ARID2: variants seen among roughly 807,000 people sequenced by gnomAD.
ARID2 encodes the protein AT-rich interaction domain 2.
Under a neutral mutation model 184.6 loss-of-function variants are expected in ARID2, and 32 were observed. The observed-to-expected ratio is 0.17, with a 90% CI of 0.13 to 0.23. ARID2 has a LOEUF of 0.23. Among genes scored for constraint, ARID2 ranks in the 10% least tolerant of loss-of-function variants. The pLI is 1.00. For missense variants in ARID2, 1,696 were observed against 2,197.6 expected, an observed-to-expected ratio of 0.77 and a Z score of 4.56; for synonymous variants, 836 against 772.6, an observed-to-expected ratio of 1.08 and a Z score of -1.36.
intron 3 of ARID2, among the ~76,000 whole-genome samples, chr12:45,808,761 A>ATGTGTG (rs533034285): frequency 7.1e-6 from 1 of 141,046 alleles, no homozygotes; most frequent in East Asian, 2.1e-4. Flanking sequence ...GTGTGTGTGT[A>ATGTGTG]TGTGTGTGTG....
intron 3 of ARID2, among the ~76,000 whole-genome samples, chr12:45,793,783 T>C (rs1278142349): frequency 6.6e-6 from 1 of 151,558 alleles, no homozygotes; most frequent in African/African-American, 2.4e-5. Flanking sequence ...TCTCCATACC[T>C]CCATTTAGAA....
At chr12:45,815,556 A>G (rs1942789742) in intron 4 of ARID2, among the ~76,000 whole-genome samples, 1 of 152,062 alleles carries the variant, frequency 6.6e-6, no homozygotes, top group African/African-American at 2.4e-5. Flanking sequence ...CTTCTGTGGT[A>G]TGTTGTGACA....
At chr12:45,886,408 G>T (rs2138224302) in intron 16 of ARID2, among the ~76,000 whole-genome samples, 2 of 152,326 alleles carry the variant, frequency 1.3e-5, no homozygotes, top group Non-Finnish European at 2.9e-5. Context: ...TCATGGGTTG[G>T]CATTGAGTGT....
chr12:45,822,504 C>T (rs968977600), intron 6 of ARID2, among the ~76,000 whole-genome samples: 2 of 152,120 alleles, frequency 1.3e-5, no homozygotes, highest in African/African-American at 4.8e-5. Flanking sequence ...TGTGCCACTG[C>T]ACTCTAGTCT....
At chr12:45,808,761 A>G (rs374787069) in intron 3 of ARID2, among the ~76,000 whole-genome samples, 33 of 141,068 alleles carry the variant, frequency 2.3e-4, no homozygotes, top group Admixed American at 5.0e-4. Context: ...GTGTGTGTGT[A>G]TGTGTGTGTG....
At chr12:45,864,287 C>T (rs1441316239) in intron 16 of ARID2, among the ~76,000 whole-genome samples, 1 of 151,984 alleles carries the variant, frequency 6.6e-6, no homozygotes, top group East Asian at 1.9e-4. Context: ...GATATAAATA[C>T]TATATACCAC....
intron 16 of ARID2, among the ~76,000 whole-genome samples, chr12:45,890,905 A>G (rs976885797): frequency 2.0e-5 from 3 of 152,022 alleles, no homozygotes; most frequent in South Asian, 2.1e-4. Context: ...TGTGGCTCAT[A>G]CCTGTAATCC....
In ARID2 at chr12:45,905,180, T is replaced by C. The variant is rs558000085; in HGVS notation, c.*102T>C. On this transcript the variant is annotated 3_prime_UTR_variant, in exon 21 of 21. Transcript: ENST00000334344. ...TCTTAATGGAACAAAGACCATAGAATGAATTATTTTATCTCCTCCCATGAT... is the reference window on the plus strand; with the variant it reads ...TCTTAATGGAACAAAGACCATAGAACGAATTATTTTATCTCCTCCCATGAT... 1 of 1,216,178 alleles carries C rather than the reference T, an allele frequency of 8.2e-7. No individual in the cohort carries two copies. Among genetic ancestry groups the C allele is most frequent in the Non-Finnish European group, 1.1e-6 (1 of 899,646 alleles). 75.3% of individuals were successfully genotyped at this position (1,216,178 alleles called of 1,614,324 possible). A position where few individuals can be genotyped will look rare whatever the true frequency, so the allele number is the denominator to read the frequency against.
At chr12:45,885,737 G>T (rs1011406839) in intron 16 of ARID2, among the ~76,000 whole-genome samples, 1 of 152,188 alleles carries the variant, frequency 6.6e-6, no homozygotes, top group Non-Finnish European at 1.5e-5. Context: ...TTCTTCACAT[G>T]GCAGCAGGAG....
rs1944420694 is a variant in ARID2, at chr12:45,899,608, A to T, written c.5364-5326A>T. Among the ~76,000 whole-genome samples the T allele has an allele frequency of 2.1e-5, 3 of 142,632 alleles. No individual in the cohort carries two copies. In the South Asian group the frequency reaches 6.4e-4, roughly 31 times the overall value. 93.6% of individuals were successfully genotyped at this position (142,632 alleles called of 152,430 possible). On this transcript the variant is annotated intron_variant, in intron 20 of 20. Transcript: ENST00000334344. ...GCGACAGAGCGAGATTCCATCTCAAAATATATATATATGTATATATTTGGT... is the reference window on the plus strand; with the variant it reads ...GCGACAGAGCGAGATTCCATCTCAATATATATATATATGTATATATTTGGT...
At chr12:45,754,319 C>T (rs1037129980) in intron 3 of ARID2, among the ~76,000 whole-genome samples, 1 of 152,220 alleles carries the variant, frequency 6.6e-6, no homozygotes, top group African/African-American at 2.4e-5. Context: ...CCCTTCATTA[C>T]TTTTCCATTC....
chr12:45,891,151 G>A (rs1175274388), intron 16 of ARID2, among the ~76,000 whole-genome samples: 2 of 146,030 alleles, frequency 1.4e-5, no homozygotes, highest in East Asian at 2.0e-4. Context: ...GCGACAGAGC[G>A]AGACTCCGTC....
At chr12:45,745,734 G>A (rs1396004425) in intron 3 of ARID2, among the ~76,000 whole-genome samples, 6 of 152,050 alleles carry the variant, frequency 3.9e-5, no homozygotes, top group Non-Finnish European at 8.8e-5. Flanking sequence ...ACGTTTAGTA[G>A]AGACAGGGTT....
intron 3 of ARID2, among the ~76,000 whole-genome samples, chr12:45,808,999 CA>C (rs1942654684): frequency 6.6e-6 from 1 of 152,044 alleles, no homozygotes; most frequent in Non-Finnish European, 1.5e-5. Context: ...CTCTTGGCCT[CA>C]AGAGATACTC....
chr12:45,788,232 A>G (rs1442723703), intron 3 of ARID2, among the ~76,000 whole-genome samples: 1 of 152,184 alleles, frequency 6.6e-6, no homozygotes, highest in Non-Finnish European at 1.5e-5. Flanking sequence ...ATTTTTATTC[A>G]TATTAGCAGC....
chr12:45,899,445 T>A (rs1230553286), intron 20 of ARID2, among the ~76,000 whole-genome samples: 4 of 131,894 alleles, frequency 3.0e-5, no homozygotes, highest in Non-Finnish European at 6.5e-5. Context: ...TCTAGTAAAA[T>A]ATACAAAAAA....
At chr12:45,749,141 T>C (rs149739330) in intron 3 of ARID2, among the ~76,000 whole-genome samples, 1,773 of 152,322 alleles carry the variant, frequency 0.012, 23 homozygotes, top group South Asian at 0.039. Context: ...CTGTACAAAA[T>C]GTATTTCTTA....
chr12:45,830,371 T>C (rs1943093231), intron 6 of ARID2, among the ~76,000 whole-genome samples: 1 of 152,110 alleles, frequency 6.6e-6, no homozygotes, highest in Non-Finnish European at 1.5e-5. Flanking sequence ...GTAACTCGAG[T>C]AGTTACTAAA....
intron 16 of ARID2, among the ~76,000 whole-genome samples, chr12:45,889,930 T>G (rs1336756500): frequency 6.6e-6 from 1 of 152,216 alleles, no homozygotes; most frequent in Non-Finnish European, 1.5e-5. Context: ...AGAGCAAGAC[T>G]CTGTCTCATA....
Sources: allele counts gnomAD v4.1 joint callset (sites outside exome capture counted in the v4.1 genomes callset), GRCh38; gene constraint gnomAD v4.1.1; transcripts MANE v1.5; gene names NCBI Gene and HGNC (gene_info 2026-07-23, HGNC 2026-07-21).